CSMD1: variants seen among roughly 807,000 people sequenced by gnomAD.
CSMD1 encodes CUB and sushi domain-containing protein 1.
CSMD1 carries 213 observed loss-of-function variants against 417.5 expected under a neutral mutation model. The observed-to-expected ratio is 0.51, with a 90% CI of 0.46 to 0.57. The LOEUF (loss-of-function observed/expected upper bound fraction) is 0.57. Among genes scored for constraint, CSMD1 ranks in the 20% least tolerant of loss-of-function variants. The pLI is 0.00. For missense variants in CSMD1, 6,923 were observed against 4,529.7 expected, an observed-to-expected ratio of 1.53 and a Z score of -15.17; for synonymous variants, 2,862 against 1,736.8, an observed-to-expected ratio of 1.65 and a Z score of -16.11.
chr8:4,140,788 G>C (rs539582918), intron 3 of CSMD1, among the ~76,000 whole-genome samples: 2 of 151,074 alleles, frequency 1.3e-5, no homozygotes, highest in African/African-American at 4.9e-5. Context: ...CCCTAGGGTG[G>C]TTTTGATTTT....
chr8:4,011,895 G>A (rs901384990), intron 4 of CSMD1, among the ~76,000 whole-genome samples: 2 of 151,876 alleles, frequency 1.3e-5, no homozygotes, highest in Non-Finnish European at 2.9e-5. Context: ...ATATAAAATG[G>A]AATTTTATTT....
At chr8:4,188,302 C>G (rs887231694) in intron 3 of CSMD1, among the ~76,000 whole-genome samples, 1 of 152,128 alleles carries the variant, frequency 6.6e-6, no homozygotes, top group Non-Finnish European at 1.5e-5. Context: ...CCCCGGTTGT[C>G]AAATCGCTCA....
intron 1 of CSMD1, among the ~76,000 whole-genome samples, chr8:4,766,786 T>G (rs911587646): frequency 6.6e-6 from 1 of 152,170 alleles, no homozygotes; most frequent in Non-Finnish European, 1.5e-5. Context: ...ACAATGAGAG[T>G]TGGATTCTAC....
intron 52 of CSMD1, among the ~76,000 whole-genome samples, chr8:3,017,189 T>A (rs931913045): frequency 2.0e-5 from 3 of 152,152 alleles, no homozygotes; most frequent in Non-Finnish European, 4.4e-5. Flanking sequence ...CAGACGTGAG[T>A]GTCTCGGACC....
chr8:3,476,372 C>T (rs1412362821), intron 11 of CSMD1, among the ~76,000 whole-genome samples: 3 of 152,222 alleles, frequency 2.0e-5, no homozygotes, highest in South Asian at 2.1e-4. Context: ...AGAATATTCA[C>T]AATGTTTCTA....
intron 3 of CSMD1, among the ~76,000 whole-genome samples, chr8:4,158,385 A>G (rs1796955802): frequency 6.6e-6 from 1 of 152,140 alleles, no homozygotes; most frequent in African/African-American, 2.4e-5. Context: ...GAATACAGCC[A>G]CTAGTGCGGT....
At chr8:4,758,751 A>G (rs187552705) in intron 1 of CSMD1, among the ~76,000 whole-genome samples, 28 of 152,240 alleles carry the variant, frequency 1.8e-4, no homozygotes, top group Admixed American at 1.8e-3. Flanking sequence ...TAATGAAACC[A>G]CCAGATCTGG....
At chr8:3,273,391 C>T (rs1802021027) in intron 26 of CSMD1, among the ~76,000 whole-genome samples, 2 of 152,006 alleles carry the variant, frequency 1.3e-5, no homozygotes, top group African/African-American at 4.8e-5. Flanking sequence ...GTCTAAAATT[C>T]TCTTTTTTGG....
At chr8:4,262,066 A>AT (rs1477767849) in intron 3 of CSMD1, among the ~76,000 whole-genome samples, 5 of 151,990 alleles carry the variant, frequency 3.3e-5, no homozygotes, top group Admixed American at 1.3e-4. Context: ...ATTTACCTTG[A>AT]TTTTTTTTAA....
chr8:4,771,039 A>G lies in CSMD1; in HGVS notation c.86-133481T>C, dbSNP rs144314003. 4.3e-3 allele frequency among the ~76,000 whole-genome samples: 657 copies of G among 152,342 alleles called. 3 individuals are homozygous for G. Among genetic ancestry groups the G allele is most frequent in the African/African-American group, 0.014 (592 of 41,578 alleles). ...AGGCAACTTACAGATTCAGAAAGCA[A>G]TATTTCCAAACCATATATCAGATAA... On this transcript the variant is annotated intron_variant, in intron 1 of 69. Coordinates refer to ENST00000635120, the MANE Select transcript of CSMD1 (RefSeq NM_033225.6).
chr8:3,492,090 G>C (rs952407046), intron 11 of CSMD1, among the ~76,000 whole-genome samples: 3 of 152,168 alleles, frequency 2.0e-5, no homozygotes, highest in Non-Finnish European at 2.9e-5. Context: ...AGGTGTATGT[G>C]AATTTCCTCC....
At chr8:3,841,736 T>C (rs1199774260) in intron 5 of CSMD1, among the ~76,000 whole-genome samples, 2 of 152,182 alleles carry the variant, frequency 1.3e-5, no homozygotes, top group Non-Finnish European at 1.5e-5. Flanking sequence ...AGTTCCCTCC[T>C]AGCTTTAACT....
At chr8:4,372,253 C>G (rs926378414) in intron 3 of CSMD1, among the ~76,000 whole-genome samples, 3 of 152,100 alleles carry the variant, frequency 2.0e-5, no homozygotes, top group African/African-American at 7.2e-5. Context: ...AGTAAAGATA[C>G]ATAACGTCGG....
At chr8:4,303,635 G>A (rs4523275) in intron 3 of CSMD1, among the ~76,000 whole-genome samples, 115,045 of 151,602 alleles carry the variant, frequency 0.76, 43,702 homozygotes, top group East Asian at 0.85. Context: ...AGAGGTGACT[G>A]GGAAGTTTTT....
intron 3 of CSMD1, among the ~76,000 whole-genome samples, chr8:4,153,296 A>G (rs938579805): frequency 7.2e-5 from 11 of 152,180 alleles, no homozygotes; most frequent in Non-Finnish European, 1.5e-4. Flanking sequence ...GACTCAGTTC[A>G]TCTCCGGGCT....
At chr8:4,819,740 C>G (rs566728826) in intron 1 of CSMD1, among the ~76,000 whole-genome samples, 143 of 152,156 alleles carry the variant, frequency 9.4e-4, no homozygotes, top group African/African-American at 3.4e-3. Context: ...ACGGAAAATG[C>G]TCATGTAGAG....
At chr8:4,388,511 A>G (rs1803623006) in intron 3 of CSMD1, among the ~76,000 whole-genome samples, 1 of 151,550 alleles carries the variant, frequency 6.6e-6, no homozygotes, top group African/African-American at 2.4e-5. Flanking sequence ...GTGAGCATAC[A>G]AAGGGCATAA....
intron 3 of CSMD1, among the ~76,000 whole-genome samples, chr8:4,190,431 T>C (rs6992931): frequency 1.0e-3 from 153 of 152,272 alleles, no homozygotes; most frequent in African/African-American, 3.5e-3. Context: ...CGCTCATTAA[T>C]GTGAATTGCT....
intron 7 of CSMD1, among the ~76,000 whole-genome samples, chr8:3,654,536 G>T (rs907555042): frequency 6.6e-6 from 1 of 152,112 alleles, no homozygotes; most frequent in Non-Finnish European, 1.5e-5. Flanking sequence ...TTACAAATAA[G>T]AAATTGTCAT....
Sources: gnomAD v4.1 joint callset for allele counts (sites outside exome capture counted in the v4.1 genomes callset) on GRCh38, gnomAD v4.1.1 for gene constraint, MANE v1.5 for transcripts, NCBI Gene and HGNC (gene_info 2026-07-23, HGNC 2026-07-21) for gene names.